RBFOX1: variants seen among roughly 807,000 people sequenced by gnomAD.
The protein encoded by RBFOX1 is RNA binding fox-1 homolog 1, also known as RNA binding protein fox-1 homolog 1.
In RBFOX1, 8 loss-of-function variants were observed where a neutral mutation model predicts 57.7. The ratio of observed to expected loss-of-function variants is 0.14; its 90% CI spans 0.08 to 0.25. The LOEUF is 0.25. RBFOX1 is among the 10% of genes least tolerant of loss of function. The pLI is 1.00. For missense variants in RBFOX1, 611 were observed against 548.5 expected (o/e 1.11, Z -1.14); for synonymous variants, 326 against 222.4 (o/e 1.47, Z -4.15).
intron 2 of RBFOX1, among the ~76,000 whole-genome samples, chr16:6,540,119 G>C (rs2096793185): frequency 6.6e-6 from 1 of 152,042 alleles, no homozygotes; most frequent in Admixed American, 6.5e-5. Flanking sequence ...AAGAACCCAT[G>C]TTTTTAGCAT....
chr16:7,216,148 T>G (rs1280067088), intron 4 of RBFOX1, among the ~76,000 whole-genome samples: 1 of 152,340 alleles, frequency 6.6e-6, no homozygotes, highest in Admixed American at 6.5e-5. Context: ...TACTGTTGTG[T>G]GGATATACCA....
intron 4 of RBFOX1, among the ~76,000 whole-genome samples, chr16:7,335,353 A>C (rs1463393530): frequency 2.0e-5 from 3 of 152,210 alleles, no homozygotes; most frequent in Admixed American, 1.3e-4. Flanking sequence ...AAATGAGCCA[A>C]AATAAACCAT....
chr16:5,879,786 C>T (rs1417777557), intron 4 of RBFOX1, among the ~76,000 whole-genome samples: 3 of 152,166 alleles, frequency 2.0e-5, no homozygotes, highest in Non-Finnish European at 2.9e-5. Context: ...CTGTTGACCT[C>T]GCAGTACAGG....
At chr16:5,297,953 C>T (rs117777044) in intron 1 of RBFOX1, among the ~76,000 whole-genome samples, 2,252 of 152,280 alleles carry the variant, frequency 0.015, 19 homozygotes, top group Non-Finnish European at 0.023. Context: ...ACATAGAAAG[C>T]AAGGTGTAGC....
intron 2 of RBFOX1, among the ~76,000 whole-genome samples, chr16:6,518,823 C>T (rs1001125524): frequency 2.4e-5 from 3 of 122,670 alleles, no homozygotes; most frequent in African/African-American, 9.2e-5. Context: ...ATCTATCTAT[C>T]TATCTATCTA....
intron 2 of RBFOX1, among the ~76,000 whole-genome samples, chr16:5,561,136 A>C (rs1020915206): frequency 1.2e-4 from 18 of 152,198 alleles, no homozygotes; most frequent in African/African-American, 4.1e-4. Context: ...TCAGGGCAGG[A>C]GGGGTGGGAA....
chr16:5,357,087 T>A (rs1180124070), intron 1 of RBFOX1, among the ~76,000 whole-genome samples: 3 of 152,198 alleles, frequency 2.0e-5, no homozygotes. Context: ...GGAGTGGTGC[T>A]GCTCTTAACT....
At chr16:6,783,531 CT>C (rs2081390128) in intron 3 of RBFOX1, among the ~76,000 whole-genome samples, 2 of 151,438 alleles carry the variant, frequency 1.3e-5, no homozygotes, top group Non-Finnish European at 2.9e-5. Context: ...AAGGAGAAAA[CT>C]AAATTCTACG....
intron 4 of RBFOX1, among the ~76,000 whole-genome samples, chr16:7,313,926 G>T (rs1041676362): frequency 2.0e-5 from 3 of 152,206 alleles, no homozygotes; most frequent in Non-Finnish European, 4.4e-5. Context: ...CCAGGTTCCT[G>T]CGTTGGAAGA....
intron 3 of RBFOX1, among the ~76,000 whole-genome samples, chr16:7,045,279 C>T (rs929653112): frequency 6.6e-6 from 1 of 151,498 alleles, no homozygotes; most frequent in African/African-American, 2.4e-5. Context: ...GGTGCATGAC[C>T]CAAAAAAAGA....
At chr16:7,191,102 C>A (rs754002527) in intron 4 of RBFOX1, among the ~76,000 whole-genome samples, 4 of 152,008 alleles carry the variant, frequency 2.6e-5, no homozygotes, top group African/African-American at 9.7e-5. Context: ...AACTGTGATT[C>A]CTAACCCAGA....
intron 5 of RBFOX1, among the ~76,000 whole-genome samples, chr16:7,533,274 C>G (rs962628414): frequency 1.3e-5 from 2 of 152,156 alleles, no homozygotes; most frequent in Non-Finnish European, 2.9e-5. Context: ...AACTGGACTT[C>G]CCTGTGGAAC....
chr16:6,323,858 C>A (rs1239857844), intron 2 of RBFOX1, among the ~76,000 whole-genome samples: 2 of 151,984 alleles, frequency 1.3e-5, no homozygotes, highest in Non-Finnish European at 2.9e-5. Flanking sequence ...CTGCAACCTA[C>A]ATCTCCAAGA....
chr16:6,627,060 C>G (rs1159756169), intron 2 of RBFOX1, among the ~76,000 whole-genome samples: 2 of 152,224 alleles, frequency 1.3e-5, no homozygotes, highest in Non-Finnish European at 2.9e-5. Flanking sequence ...AACCAGGGTT[C>G]TAGTCCTGGC....
chr16:5,714,772 A>G (rs1034547755), intron 3 of RBFOX1, among the ~76,000 whole-genome samples: 5 of 152,238 alleles, frequency 3.3e-5, no homozygotes, highest in Non-Finnish European at 7.3e-5. Flanking sequence ...ATTTATCACT[A>G]TAATCATATC....
chr16:6,954,772 T>C, intron 3 of RBFOX1, among the ~76,000 whole-genome samples: 1 of 152,106 alleles, frequency 6.6e-6, no homozygotes, highest in Non-Finnish European at 1.5e-5. Context: ...AATCATCACC[T>C]GACTTGAGCA....
chr16:5,771,303 G>A (rs149885484), intron 3 of RBFOX1, among the ~76,000 whole-genome samples: 1 of 152,360 alleles, frequency 6.6e-6, no homozygotes, highest in East Asian at 1.9e-4. Context: ...TCTGAGGAGG[G>A]AGTTAGGGTG....
chr16:6,291,918 T>C (rs1347742918), intron 1 of RBFOX1, among the ~76,000 whole-genome samples: 1 of 152,086 alleles, frequency 6.6e-6, no homozygotes, highest in Non-Finnish European at 1.5e-5. Context: ...TTTATAATCT[T>C]TCAAAAGTTA....
rs138609592 is a variant in RBFOX1, at chr16:6,563,826, CAA to C, written c.-63-90768_-63-90767del. On this transcript the variant is annotated intron_variant, in intron 2 of 15. Transcript: ENST00000550418. ...AGGAGACACAGTGGGATCCTGTCTC[CAA>C]AAAAAAAATATATATATATGTGTGT... Among the ~76,000 whole-genome samples the C allele has an allele frequency of 2.3e-3, 327 of 140,256 alleles. 1 individual carries two copies. Among genetic ancestry groups the C allele is most frequent in the African/African-American group, 8.2e-3 (314 of 38,176 alleles). 92.0% of individuals were successfully genotyped at this position (140,256 alleles called of 152,430 possible). A position where few individuals can be genotyped will look rare whatever the true frequency, so the allele number is the denominator to read the frequency against.
Sources: gnomAD v4.1 joint callset for allele counts (sites outside exome capture counted in the v4.1 genomes callset) on GRCh38, gnomAD v4.1.1 for gene constraint, MANE v1.5 for transcripts, NCBI Gene and HGNC (gene_info 2026-07-23, HGNC 2026-07-21) for gene names.